The following FUT8 variants were observed in gnomAD, a reference collection of about 807,000 sequenced individuals.
FUT8 encodes the protein fucosyltransferase 8, also known as alpha-(1,6)-fucosyltransferase.
Under a neutral mutation model 71.3 loss-of-function variants are expected in FUT8, and 29 were observed. That is an observed-to-expected ratio of 0.41 (90% CI 0.30 to 0.55). The LOEUF (loss-of-function observed/expected upper bound fraction) is 0.55, where lower values mean the gene tolerates loss of function less well. Among genes scored for constraint, FUT8 ranks in the 20% least tolerant of loss-of-function variants. The probability of loss-of-function intolerance (pLI) is 0.34; values close to 1 mark genes in which losing one functional copy is unlikely to be tolerated. For missense variants in FUT8, 544 were observed against 702.1 expected, an observed-to-expected ratio of 0.77 and a Z score of 2.55; for synonymous variants, 254 against 239.3, an observed-to-expected ratio of 1.06 and a Z score of -0.57.
At chr14:65,444,752 A>G (rs2065713045) in intron 1 of FUT8, among the ~76,000 whole-genome samples, 2 of 152,230 alleles carry the variant, frequency 1.3e-5, no homozygotes, top group African/African-American at 4.8e-5. Context: ...GAGAATGTGT[A>G]CTGGTTATCC....
chr14:65,412,444 G>T (rs924646308), upstream of FUT8: 52 of 421,626 alleles, frequency 1.2e-4, no homozygotes, highest in Non-Finnish European at 2.4e-4. Flanking sequence ...TCCAGGATCC[G>T]CTCGCGCCCC....
chr14:65,601,800 G>A (rs1023109553), intron 3 of FUT8, among the ~76,000 whole-genome samples: 4 of 151,886 alleles, frequency 2.6e-5, no homozygotes, highest in East Asian at 3.9e-4. Flanking sequence ...TTTTATTAAC[G>A]CGTTTCTGCT....
At chr14:65,676,243 TA>T in intron 7 of FUT8, among the ~76,000 whole-genome samples, 1 of 152,098 alleles carries the variant, frequency 6.6e-6, no homozygotes, top group Admixed American at 6.6e-5. Flanking sequence ...GAAAAAGCAA[TA>T]CGTATTTAGC....
chr14:65,427,978 T>C (rs1244223396), intron 1 of FUT8, among the ~76,000 whole-genome samples: 1 of 152,172 alleles, frequency 6.6e-6, no homozygotes, highest in East Asian at 1.9e-4. Context: ...TGATTCTGTT[T>C]AGTAATGGGA....
chr14:65,427,698 A>G (rs1487754290), intron 1 of FUT8, among the ~76,000 whole-genome samples: 1 of 152,232 alleles, frequency 6.6e-6, no homozygotes, highest in Non-Finnish European at 1.5e-5. Context: ...AGCATTATTA[A>G]GGTATAATTT....
Position 65,601,102 on chromosome 14 carries a change from G to A in FUT8, c.204-14876G>A, listed in dbSNP as rs549695803. On this transcript the variant is annotated intron_variant, in intron 3 of 10. Transcript: ENST00000673929. The stretch of plus-strand genomic sequence containing the variant: ...TTATTCTGTTAAAACTGAGATTGTC[G>A]CTTGTCCCTTTTACCCCTTCTTGGT... 2.1e-4 allele frequency among the ~76,000 whole-genome samples: 32 copies of A among 152,176 alleles called. No individual in the cohort carries two copies. In the South Asian group the frequency reaches 6.2e-3, roughly 30 times the overall value.
At chr14:65,686,124 G>C (rs1321987722) in intron 7 of FUT8, among the ~76,000 whole-genome samples, 2 of 152,144 alleles carry the variant, frequency 1.3e-5, no homozygotes, top group African/African-American at 4.8e-5. Context: ...GAAATGATGA[G>C]CAGTCTACCT....
At chr14:65,455,589 G>C in intron 1 of FUT8, 32 bp from the exon 2 acceptor site, 1 of 397,998 alleles carries the variant, frequency 2.5e-6, no homozygotes, top group Non-Finnish European at 4.4e-6. Context: ...CTTGAGTAGG[G>C]CTGAATTTCA....
At chr14:65,439,554 T>C (rs1411614546) in intron 1 of FUT8, among the ~76,000 whole-genome samples, 3 of 152,282 alleles carry the variant, frequency 2.0e-5, no homozygotes, top group African/African-American at 7.2e-5. Context: ...TAAAGGGTGA[T>C]AGAAACTATT....
chr14:65,696,061 T>C (rs981431010), intron 7 of FUT8, among the ~76,000 whole-genome samples: 1 of 152,138 alleles, frequency 6.6e-6, no homozygotes, highest in Non-Finnish European at 1.5e-5. Flanking sequence ...CCGTAAAGCA[T>C]TACTATCATT....
intron 6 of FUT8, among the ~76,000 whole-genome samples, chr14:65,649,476 G>A (rs1158432050): frequency 6.6e-6 from 1 of 152,200 alleles, no homozygotes; most frequent in East Asian, 1.9e-4. Context: ...ATGTGAGATG[G>A]TTGATTATGT....
the FUT8 span, among the ~76,000 whole-genome samples, chr14:65,391,470 C>T: frequency 6.6e-6 from 1 of 152,206 alleles, no homozygotes; most frequent in Non-Finnish European, 1.5e-5. Flanking sequence ...ATTCTCCTGC[C>T]TCAGCCTCAA....
At chr14:65,712,097 T>C (rs1894835117) in intron 7 of FUT8, among the ~76,000 whole-genome samples, 1 of 152,236 alleles carries the variant, frequency 6.6e-6, no homozygotes, top group South Asian at 2.1e-4. Flanking sequence ...ACTGGAGTTA[T>C]TTTGTATGTT....
intron 3 of FUT8, among the ~76,000 whole-genome samples, chr14:65,563,845 T>C (rs1886046487): frequency 6.6e-6 from 1 of 152,058 alleles, no homozygotes. Context: ...TCACTTTCTT[T>C]ATATTCTTAT....
At chr14:65,628,602 T>G (rs1303022214) in intron 5 of FUT8, among the ~76,000 whole-genome samples, 1 of 152,234 alleles carries the variant, frequency 6.6e-6, no homozygotes, top group Admixed American at 6.5e-5. Context: ...CTTTTTACTT[T>G]TCTTTCTTGC....
chr14:65,741,183 C>T (rs1284619840), intron 10 of FUT8, among the ~76,000 whole-genome samples: 1 of 151,798 alleles, frequency 6.6e-6, no homozygotes, highest in African/African-American at 2.4e-5. Flanking sequence ...ATTTCACCTG[C>T]TATCCAGTGA....
chr14:65,731,145 A>T (rs1895960703), intron 9 of FUT8, among the ~76,000 whole-genome samples: 1 of 152,228 alleles, frequency 6.6e-6, no homozygotes, highest in Admixed American at 6.5e-5. Flanking sequence ...AGGAATACAA[A>T]GTCAAAATAT....
the FUT8 span, among the ~76,000 whole-genome samples, chr14:65,404,472 T>A: frequency 7.2e-6 from 1 of 138,792 alleles, no homozygotes; most frequent in Admixed American, 7.2e-5. Flanking sequence ...GCACCCAGCG[T>A]TGTTTCTTTT....
At chr14:65,450,168 C>T (rs1162995145) in intron 1 of FUT8, among the ~76,000 whole-genome samples, 1 of 152,128 alleles carries the variant, frequency 6.6e-6, no homozygotes, top group African/African-American at 2.4e-5. Context: ...TTTCTTTCCT[C>T]ATCTAGGGTA....
Sources: allele counts gnomAD v4.1 joint callset (sites outside exome capture counted in the v4.1 genomes callset), GRCh38; gene constraint gnomAD v4.1.1; transcripts MANE v1.5; gene names NCBI Gene and HGNC (gene_info 2026-07-23, HGNC 2026-07-21).